The following SCUBE1 variants were observed in gnomAD, a reference collection of about 807,000 sequenced individuals.
SCUBE1 encodes the protein signal peptide, CUB domain and EGF like domain containing 1.
SCUBE1 carries 59 observed loss-of-function variants against 124.4 expected under a neutral mutation model. That is an observed-to-expected ratio of 0.47 (90% CI 0.38 to 0.59). The LOEUF (loss-of-function observed/expected upper bound fraction) is 0.59. Ranked by LOEUF, SCUBE1 falls within the 20% of genes least tolerant of loss-of-function variation. The probability of loss-of-function intolerance (pLI) is 0.00; values close to 1 mark genes in which losing one functional copy is unlikely to be tolerated. For synonymous variants in SCUBE1, 545 were observed against 550.9 expected, an observed-to-expected ratio of 0.99 and a Z score of 0.15; for missense variants, 1,150 against 1,371.2, an observed-to-expected ratio of 0.84 and a Z score of 2.55.
intron 4 of SCUBE1, among the ~76,000 whole-genome samples, chr22:43,263,070 T>G (rs1397516635): frequency 1.3e-5 from 2 of 152,358 alleles, no homozygotes; most frequent in Middle Eastern, 6.8e-3. Flanking sequence ...TGCCTGGGTC[T>G]AGATTCAGGC....
At chr22:43,206,185 C>G (rs546871455) in intron 21 of SCUBE1, among the ~76,000 whole-genome samples, 1 of 143,660 alleles carries the variant, frequency 7.0e-6, no homozygotes, top group African/African-American at 2.6e-5. Context: ...ACCCACCACA[C>G]CCCCACTCAC....
rs545778751 is a variant in SCUBE1 at position 43,264,028 on chromosome 22, G to A, written c.485-1183C>T. Reference sequence around the variant, plus strand: ...ACGCTTAACAGCCGGCAGGGGTGGAGGCTGATTTGCAGTATTTACCAATTT... The same window carrying A: ...ACGCTTAACAGCCGGCAGGGGTGGAAGCTGATTTGCAGTATTTACCAATTT... On this transcript the variant is annotated intron_variant, in intron 4 of 21. Coordinates refer to ENST00000360835, the MANE Select transcript of SCUBE1 (RefSeq NM_173050.5). Among the ~76,000 whole-genome samples the A allele has an allele frequency of 2.4e-3, 361 of 152,300 alleles. 2 individuals are homozygous for A. Among genetic ancestry groups the A allele is most frequent in the African/African-American group, 8.4e-3 (350 of 41,562 alleles).
At position 43,258,386 on chromosome 22, in the gene SCUBE1, C is replaced by T. The variant is rs751421171; in HGVS notation, c.611-51G>A. The T allele has an allele frequency of 2.6e-5, 36 of 1,397,852 alleles. No homozygotes were observed. In the East Asian group the frequency reaches 3.0e-4, roughly 12 times the overall value. 86.6% of individuals were successfully genotyped at this position (1,397,852 alleles called of 1,614,324 possible). A position where few individuals can be genotyped will look rare whatever the true frequency, so the allele number is the denominator to read the frequency against. ...GGGTGTATAAACAGAACAACAAAAA[C>T]GGTTAGTTTGCCGGTGTTGGCGGCT... is the stretch of plus-strand genomic sequence containing the variant. On this transcript the variant is annotated intron_variant, in intron 5 of 21. Transcript: ENST00000360835. The surrounding 1 kb of genome is among the most constrained non-coding windows in gnomAD (Gnocchi z 5.0).
At chr22:43,292,697 T>C (rs768193680) in intron 3 of SCUBE1, among the ~76,000 whole-genome samples, 4 of 152,154 alleles carry the variant, frequency 2.6e-5, no homozygotes, top group Non-Finnish European at 4.4e-5. Flanking sequence ...TGACCTGCAC[T>C]GAACTGGGAG....
intron 4 of SCUBE1, among the ~76,000 whole-genome samples, chr22:43,267,267 G>A (rs1355627783): frequency 6.6e-6 from 1 of 152,170 alleles, no homozygotes; most frequent in Admixed American, 6.5e-5. Context: ...TCTGCAAACA[G>A]TGGGTGAAAG....
At chr22:43,263,858 A>G (rs1314041285) in intron 4 of SCUBE1, among the ~76,000 whole-genome samples, 3 of 152,188 alleles carry the variant, frequency 2.0e-5, no homozygotes, top group Non-Finnish European at 4.4e-5. Context: ...CGCAGAGTCT[A>G]ACTAAGCAAC....
chr22:43,331,226 G>C (rs1468566557), intron 2 of SCUBE1, among the ~76,000 whole-genome samples: 2 of 152,082 alleles, frequency 1.3e-5, no homozygotes, highest in Admixed American at 6.6e-5. Flanking sequence ...AGACGCCGGG[G>C]ATATAAAATT....
chr22:43,256,281 T>C (rs1923658481), intron 6 of SCUBE1, among the ~76,000 whole-genome samples: 1 of 152,196 alleles, frequency 6.6e-6, no homozygotes, highest in South Asian at 2.1e-4. Context: ...GGATCACTTA[T>C]TTTAGGAGCA....
chr22:43,236,030 G>T (rs772739779), intron 7 of SCUBE1, among the ~76,000 whole-genome samples: 1 of 152,142 alleles, frequency 6.6e-6, no homozygotes, highest in Admixed American at 6.5e-5. Flanking sequence ...GTCCAAGCCC[G>T]CTGTGACCTT....
At chr22:43,262,571 C>T in intron 5 of SCUBE1, 149 bp downstream of exon 5, 1 of 863,310 alleles carries the variant, frequency 1.2e-6, no homozygotes, top group Non-Finnish European at 1.8e-6. Context: ...TATGCCCTAT[C>T]AGGCCCCTTC....
intron 14 of SCUBE1, among the ~76,000 whole-genome samples, chr22:43,220,218 TTCTG>T (rs1922030966): frequency 6.6e-6 from 1 of 152,204 alleles, no homozygotes; most frequent in South Asian, 2.1e-4. Flanking sequence ...ACCTCGGCTC[TTCTG>T]TCTCATTGCC....
chr22:43,326,798 C>T (rs962004625), intron 2 of SCUBE1, among the ~76,000 whole-genome samples: 2 of 152,102 alleles, frequency 1.3e-5, no homozygotes, highest in South Asian at 4.1e-4. Context: ...CTTCAGACCT[C>T]CACACTTTGA....
chr22:43,217,981 C>A (rs1235797558), intron 15 of SCUBE1, among the ~76,000 whole-genome samples: 1 of 152,196 alleles, frequency 6.6e-6, no homozygotes, highest in Non-Finnish European at 1.5e-5. Flanking sequence ...GGTTCCCGTG[C>A]CCCCTCGCGC....
chr22:43,227,554 G>A lies in SCUBE1; in HGVS notation c.1085-58C>T, dbSNP rs554648636. ...AGGCTGGCGGCTGGCGGCTGGCAGGGGAAGGGACCACCCAGGGCAAGAGGG... is the reference window on the plus strand; with the variant it reads ...AGGCTGGCGGCTGGCGGCTGGCAGGAGAAGGGACCACCCAGGGCAAGAGGG... On this transcript the variant is annotated intron_variant, in intron 9 of 21. Transcript: ENST00000360835. 68 of 1,589,194 alleles carry A rather than the reference G, an allele frequency of 4.3e-5. No individual in the cohort carries two copies. The African/African-American group carries it at 7.9e-4, about 18-fold the overall frequency.
At chr22:43,268,796 G>A (rs1195789826) in intron 4 of SCUBE1, among the ~76,000 whole-genome samples, 1 of 152,232 alleles carries the variant, frequency 6.6e-6, no homozygotes, top group Admixed American at 6.5e-5. Flanking sequence ...GGAAGCCAGA[G>A]GGGAGTTGTC....
At chr22:43,280,104 G>A (rs539847036) in intron 4 of SCUBE1, among the ~76,000 whole-genome samples, 5 of 152,166 alleles carry the variant, frequency 3.3e-5, no homozygotes, top group South Asian at 2.1e-4. Flanking sequence ...AGGCTTTCCC[G>A]GACCGCATGA....
chr22:43,272,038 T>A (rs11704383), intron 4 of SCUBE1, among the ~76,000 whole-genome samples: 61,753 of 151,956 alleles, frequency 0.41, 15,693 homozygotes, highest in Non-Finnish European at 0.58. Flanking sequence ...CCAAAGGGGT[T>A]CTAGCCCCTC....
chr22:43,268,100 C>T (rs1924145908), intron 4 of SCUBE1, among the ~76,000 whole-genome samples: 1 of 152,230 alleles, frequency 6.6e-6, no homozygotes, highest in South Asian at 2.1e-4. Context: ...CCAGTGGCAG[C>T]TGCAGGCTGT....
chr22:43,204,164 G>C lies in SCUBE1; in HGVS notation c.2815-15C>G. 6.2e-7 allele frequency: 1 copy of C among 1,613,710 alleles called. No homozygotes were observed. The highest frequency in any genetic ancestry group is 8.5e-7 in the Non-Finnish European group (1 of 1,179,814). ...AGCTTCTTGTCCTGTAAGATAGAGT[G>C]GGTGGGAGGCAGGGGAGGCTTGGGG... On this transcript the variant is annotated splice_polypyrimidine_tract_variant and intron_variant, in intron 21 of 21. Transcript: ENST00000360835.
Sources: allele counts gnomAD v4.1 joint callset (sites outside exome capture counted in the v4.1 genomes callset), GRCh38; gene constraint gnomAD v4.1.1; non-coding constraint Gnocchi (gnomAD v3.1); transcripts MANE v1.5; gene names NCBI Gene and HGNC (gene_info 2026-07-23, HGNC 2026-07-21).